The following LRCH4 variants were observed in gnomAD, a reference collection of about 807,000 sequenced individuals.
LRCH4 encodes leucine-rich repeat and calponin homology domain-containing protein 4.
In LRCH4, 56 loss-of-function variants were observed where a neutral mutation model predicts 81.2. The ratio of observed to expected loss-of-function variants is 0.69; its 90% confidence interval spans 0.56 to 0.86. The LOEUF is 0.86. Ranked by LOEUF, LRCH4 falls within the 40% of genes least tolerant of loss-of-function variation. The pLI, the probability that LRCH4 is intolerant of heterozygous loss-of-function variation, is 0.00. For synonymous variants in LRCH4, 442 were observed against 409.7 expected (o/e 1.08, Z -0.95); for missense variants, 895 against 922.8 (o/e 0.97, Z 0.39).
intron 1 of LRCH4, chr7:100,584,180 C>T (rs749194773): frequency 9.0e-5 from 41 of 456,152 alleles, no homozygotes; most frequent in South Asian, 3.3e-4. Context: ...GCTTGGAGGG[C>T]GAGGAGAGAT....
At chr7:100,576,134 C>G in intron 15 of LRCH4, 104 bp downstream of exon 15, 2 of 1,480,738 alleles carry the variant, frequency 1.4e-6, no homozygotes, top group African/African-American at 1.4e-5. Flanking sequence ...GGGGAGGTGC[C>G]AGAGTGGGCA....
intron 4 of LRCH4, chr7:100,579,278 A>G (rs1801462139): frequency 6.3e-6 from 1 of 159,876 alleles, no homozygotes; most frequent in South Asian, 1.7e-4. Flanking sequence ...GCCCACAGGG[A>G]AAGGTGCCTT....
rs374647998 is a variant in LRCH4 at position 100,581,972 on chromosome 7, C to T, written c.492+69G>A. On this transcript the variant is annotated intron_variant, in intron 3 of 17. Coordinates refer to ENST00000310300, the MANE Select transcript of LRCH4 (RefSeq NM_002319.5). Reference sequence around the variant, plus strand: ...CTCTGTCTTTGCTCCAGGCCCTCCCCAACCTCCCCCTAGAAGGTCCCGCTG... The same window carrying T: ...CTCTGTCTTTGCTCCAGGCCCTCCCTAACCTCCCCCTAGAAGGTCCCGCTG... 5.4e-5 allele frequency: 86 copies of T among 1,604,120 alleles called. No homozygotes were observed. In the East Asian group the frequency reaches 1.1e-3, roughly 21 times the overall value.
chr7:100,585,071 G>T, intron 1 of LRCH4: 1 of 262,394 alleles, frequency 3.8e-6, no homozygotes. Context: ...GTGGAGGCGT[G>T]GAAGGACAGT....
chr7:100,575,094 C>G lies in LRCH4; in HGVS notation c.*13G>C. ...AGGAAGGGAAAGGGGTGAGGGAGGGCCGATTTTGGGGCCTAGGAACCCAGG... is the reference window on the plus strand; with the variant it reads ...AGGAAGGGAAAGGGGTGAGGGAGGGGCGATTTTGGGGCCTAGGAACCCAGG... On this transcript the variant is annotated 3_prime_UTR_variant, in exon 18 of 18. Transcript: ENST00000310300. This position sits in a 1 kb window ranked among gnomAD's most constrained non-coding sequence, Gnocchi z 5.3. 5 of 1,599,402 alleles carry G rather than the reference C, an allele frequency of 3.1e-6. No individual in the cohort carries two copies. The highest frequency in any genetic ancestry group is 4.3e-6 in the Non-Finnish European group (5 of 1,171,322).
chr7:100,574,295 G>A lies in LRCH4; in HGVS notation c.*812C>T, dbSNP rs927966746. On this transcript the variant is annotated 3_prime_UTR_variant, in exon 18 of 18. Coordinates refer to ENST00000310300, the MANE Select transcript of LRCH4 (RefSeq NM_002319.5). Reference sequence around the variant, plus strand: ...GGCGTGGACGACAGCAGCGATGTAGGGGAGGCCCCTTCCCGGGGCCCCCTC... The same window carrying A: ...GGCGTGGACGACAGCAGCGATGTAGAGGAGGCCCCTTCCCGGGGCCCCCTC... The A allele has an allele frequency of 2.2e-5, 4 of 178,664 alleles. No homozygotes were observed. Among genetic ancestry groups the A allele is most frequent in the Non-Finnish European group, 5.0e-5 (4 of 80,692 alleles). The allele number at this position is 178,664 out of a possible 1,614,324, so 11.1% of individuals were successfully genotyped here. A position where few individuals can be genotyped will look rare whatever the true frequency, so the allele number is the denominator to read the frequency against.
rs1444764473 is a variant in LRCH4, at chr7:100,578,345, C to T, written c.848+54G>A. ...CCAGAAAGCAGGGGGTGCCTGGGGCCGGGAAGGGGCATTCAGTATCCCAGG... is the reference window on the plus strand; with the variant it reads ...CCAGAAAGCAGGGGGTGCCTGGGGCTGGGAAGGGGCATTCAGTATCCCAGG... On this transcript the variant is annotated intron_variant, in intron 6 of 17. Coordinates refer to ENST00000310300, the MANE Select transcript of LRCH4 (RefSeq NM_002319.5). This position sits in a 1 kb window ranked among gnomAD's most constrained non-coding sequence, Gnocchi z 5.7. 9 of 1,601,170 alleles carry T rather than the reference C, an allele frequency of 5.6e-6. No individual in the cohort carries two copies. Among genetic ancestry groups the T allele is most frequent in the Middle Eastern group, 1.7e-4 (1 of 6,040 alleles).
At chr7:100,585,856 G>C in intron 1 of LRCH4, 25 bp downstream of exon 1, 1 of 1,544,160 alleles carries the variant, frequency 6.5e-7, no homozygotes, top group Non-Finnish European at 8.8e-7. Context: ...GGACCCGGTT[G>C]GGCCCGGGGC....
chr7:100,580,028 G>A (rs1305581543), intron 4 of LRCH4: 1 of 152,140 alleles, frequency 6.6e-6, no homozygotes, highest in Non-Finnish European at 1.5e-5. Context: ...GAAAGTGGAT[G>A]ACCACCTCAC....
At position 100,580,461 on chromosome 7, in the gene LRCH4, G is replaced by A. The variant is rs2686809; in HGVS notation, c.598+1316C>T. The A allele has an allele frequency of 7.3e-3, 821 of 112,846 alleles. 5 individuals carry two copies. Among genetic ancestry groups the A allele is most frequent in the Admixed American group, 0.012 (136 of 11,418 alleles). 7.0% of individuals were successfully genotyped at this position (112,846 alleles called of 1,614,324 possible). A position where few individuals can be genotyped will look rare whatever the true frequency, so the allele number is the denominator to read the frequency against. On this transcript the variant is annotated intron_variant, in intron 4 of 17. Transcript: ENST00000310300. ...ACACACACACAAAACCCACACACAC[G>A]CAAACAACATACATACACACAGACA...
rs756678338 is a variant in LRCH4, at chr7:100,585,926, G to A, written c.175C>T (p.Arg59Trp). 7 of 1,611,406 alleles carry A rather than the reference G, an allele frequency of 4.3e-6. No homozygotes were observed. The highest frequency in any genetic ancestry group is 5.9e-6 in the Non-Finnish European group (7 of 1,178,634). The change falls in exon 1 of 18, where the codon CGG becomes TGG. Residue 59 changes from arginine (R) to tryptophan (W), a missense_variant. Transcript: ENST00000310300. ...LSNRRLKHFPRGAARSYDLSD... is the reference protein window; with the variant it reads ...LSNRRLKHFPWGAARSYDLSD... ...AGGTCGTAGCTACGGGCCGCGCCCCGGGGGAAGTGCTTCAAGCGCCGGTTA... is the reference window on the plus strand; with the variant it reads ...AGGTCGTAGCTACGGGCCGCGCCCCAGGGGAAGTGCTTCAAGCGCCGGTTA...
rs775633629 is a variant in LRCH4, at chr7:100,577,746, G to A, written c.1040-6C>T. ...CTGCACAGGGTCTCCGTCCGCTGGG[G>A]AGGCCAGCATGTCAGCAAGTGAGCG... On this transcript the variant is annotated splice_region_variant and splice_polypyrimidine_tract_variant and intron_variant, in intron 8 of 17. Transcript: ENST00000310300. This position sits in a 1 kb window ranked among gnomAD's most constrained non-coding sequence, Gnocchi z 6.7. 4 of 1,614,010 alleles carry A rather than the reference G, an allele frequency of 2.5e-6. No individual in the cohort carries two copies. The highest frequency in any genetic ancestry group is 2.2e-5 in the South Asian group (2 of 91,092).
Position 100,583,994 on chromosome 7 carries a change from T to C in LRCH4, c.221-1535A>G. The C allele has an allele frequency of 2.7e-6, 1 of 365,748 alleles. No homozygotes were observed. Among genetic ancestry groups the C allele is most frequent in the Non-Finnish European group, 5.5e-6 (1 of 180,558 alleles). The allele number at this position is 365,748 out of a possible 1,614,324, so 22.7% of individuals were successfully genotyped here. ...TGAGCTGCACTTCTCCTTTGCAAGA[T>C]GGCCCCTCCCCGCCACCTCAGGATT... On this transcript the variant is annotated intron_variant, in intron 1 of 17. Transcript: ENST00000310300. This position sits in a 1 kb window ranked among gnomAD's most constrained non-coding sequence, Gnocchi z 4.3.
chr7:100,581,850 G>A lies in LRCH4; in HGVS notation c.525C>T (p.Pro175=). 3 of 1,614,216 alleles carry A rather than the reference G, an allele frequency of 1.9e-6. No individual in the cohort carries two copies. Among genetic ancestry groups the A allele is most frequent in the South Asian group, 2.2e-5 (2 of 91,090 alleles). The stretch of plus-strand genomic sequence containing the variant: ...GGGAAGAGAGGCCACACAGTTCCGA[G>A]GGCAGGGATTGGAGCTCGTTGCTGC... ...DVSSNELQSL[P]SELCGLSSLR... is the part of the protein sequence containing the mutation. Residue 175 remains proline, a synonymous_variant, in exon 4 of 18, where the codon CCC becomes CCT. Coordinates refer to ENST00000310300, the MANE Select transcript of LRCH4 (RefSeq NM_002319.5).
In LRCH4 at chr7:100,581,795, G is replaced by A; in HGVS notation, c.580C>T (p.Leu194Phe). The A allele has an allele frequency of 6.2e-7, 1 of 1,614,200 alleles. No homozygotes were observed. The highest frequency in any genetic ancestry group is 8.5e-7 in the Non-Finnish European group (1 of 1,180,016). ...TTCTCACCTTCGGGCAGCGTACTGA[G>A]CTGGTTCCTCCGGACATTGAGGTCC... is the stretch of plus-strand genomic sequence containing the variant. The part of the protein sequence containing the change: ...LRDLNVRRNQ[L>F]STLPEELGDL... The change falls in exon 4 of 18, where the codon CTC becomes TTC. Residue 194 changes from leucine to phenylalanine, a missense_variant. By Grantham distance (22) the Leu-to-Phe change is conservative. Transcript: ENST00000310300.
In LRCH4 at chr7:100,577,433, G is replaced by C. The variant is rs1270668961; in HGVS notation, c.1179-44C>G. The C allele has an allele frequency of 6.2e-7, 1 of 1,601,062 alleles. No homozygotes were observed. The highest frequency in any genetic ancestry group is 1.3e-5 in the African/African-American group (1 of 74,940). On this transcript the variant is annotated intron_variant, in intron 10 of 17. Coordinates refer to ENST00000310300, the MANE Select transcript of LRCH4 (RefSeq NM_002319.5). The surrounding 1 kb of genome is among the most constrained non-coding windows in gnomAD (Gnocchi z 6.7). ...GCAAGAGGGGCAGACCCCGGGGTCA[G>C]GGAAGGAGGCGGTTGGGGGGTGGGA... is the stretch of plus-strand genomic sequence containing the variant.
Position 100,577,951 on chromosome 7 carries a change from G to C in LRCH4, c.949-39C>G, listed in dbSNP as rs866284550. On this transcript the variant is annotated intron_variant, in intron 7 of 17. Coordinates refer to ENST00000310300, the MANE Select transcript of LRCH4 (RefSeq NM_002319.5). This position sits in a 1 kb window ranked among gnomAD's most constrained non-coding sequence, Gnocchi z 6.7. ...GGCAGAGATGGGAGATGGCCTCTCT[G>C]TACATGGGGGCTCAGGACCTGGGGG... The C allele has an allele frequency of 5.2e-6, 8 of 1,550,252 alleles. No homozygotes were observed. In the South Asian group the frequency reaches 5.6e-5, roughly 11 times the overall value.
In LRCH4 at chr7:100,585,946, C is replaced by T. The variant is rs777810122; in HGVS notation, c.155G>A (p.Arg52Gln). The stretch of plus-strand genomic sequence containing the variant: ...GCCCCGGGGGAAGTGCTTCAAGCGC[C>T]GGTTAGACAGGTTCAGGGTCCCGGT... Reference protein sequence around the residue: ...VATGTLNLSNRRLKHFPRGAA... With the variant: ...VATGTLNLSNQRLKHFPRGAA... Residue 52 changes from arginine to glutamine, a missense_variant, in exon 1 of 18, where the codon CGG becomes CAG. Transcript: ENST00000310300. 4 of 1,612,458 alleles carry T rather than the reference C, an allele frequency of 2.5e-6. No homozygotes were observed. The highest frequency in any genetic ancestry group is 1.1e-5 in the South Asian group (1 of 90,978).
chr7:100,575,253 G>A lies in LRCH4; in HGVS notation c.1906C>T (p.Arg636Trp), dbSNP rs764092302. The change falls in exon 18 of 18, where the codon CGG becomes TGG. Residue 636 changes from arginine (R) to tryptophan (W), a missense_variant. This residue lies in a region of LRCH4 where 529 missense variants were observed against 504.9 expected (regional missense o/e 1.05). Coordinates refer to ENST00000310300, the MANE Select transcript of LRCH4 (RefSeq NM_002319.5). This position sits in a 1 kb window ranked among gnomAD's most constrained non-coding sequence, Gnocchi z 5.3. ...CGCTTCACGGCCTCCAGCGCGGTCC[G>A]CAGCCCCCGGGCAGTGCCCTGGAGG... ...DLLQGTARGL[R>W]TALEAVKRVG... The A allele has an allele frequency of 3.0e-5, 47 of 1,584,714 alleles. No homozygotes were observed. The East Asian group carries it at 4.3e-4, about 15-fold the overall frequency.
Sources: gnomAD v4.1 joint callset for allele counts on GRCh38, gnomAD v4.1.1 for gene constraint, gnomAD v4.1.1 regional missense constraint, Gnocchi (gnomAD v3.1) non-coding constraint, MANE v1.5 for transcripts, NCBI Gene and HGNC (gene_info 2026-07-23, HGNC 2026-07-21) for gene names.